DTNA: variants seen among roughly 807,000 people sequenced by gnomAD.
DTNA encodes the protein dystrophin-related protein 3.
In DTNA, 43 loss-of-function variants were observed where a neutral mutation model predicts 100.7. That is an observed-to-expected ratio of 0.43 (90% CI 0.33 to 0.55). The LOEUF (loss-of-function observed/expected upper bound fraction) is 0.55, where lower values mean the gene tolerates loss of function less well. Among genes scored for constraint, DTNA ranks in the 20% least tolerant of loss-of-function variants. The pLI is 0.04. For missense variants in DTNA, 798 were observed against 953.9 expected, an observed-to-expected ratio of 0.84 and a Z score of 2.15; for synonymous variants, 349 against 347.9, an observed-to-expected ratio of 1.00 and a Z score of -0.04.
At chr18:34,840,567 A>G (rs953276656) in intron 13 of DTNA, among the ~76,000 whole-genome samples, 3 of 152,162 alleles carry the variant, frequency 2.0e-5, no homozygotes, top group African/African-American at 7.2e-5. Flanking sequence ...CTCCAAAGAG[A>G]AAAGCTCAGA....
intron 11 of DTNA, among the ~76,000 whole-genome samples, chr18:34,834,705 C>T (rs2096097248): frequency 6.6e-6 from 1 of 151,960 alleles, no homozygotes; most frequent in Non-Finnish European, 1.5e-5. Context: ...AACAACCAGC[C>T]CTCAAGGGAA....
At chr18:34,542,763 A>G (rs1220089524) in intron 1 of DTNA, among the ~76,000 whole-genome samples, 2 of 152,114 alleles carry the variant, frequency 1.3e-5, no homozygotes, top group Non-Finnish European at 2.9e-5. Context: ...ATAATTTTTA[A>G]AAATAGAAAA....
chr18:34,776,576 C>G (rs1444296836), intron 3 of DTNA, among the ~76,000 whole-genome samples: 1 of 152,140 alleles, frequency 6.6e-6, no homozygotes, highest in African/African-American at 2.4e-5. Flanking sequence ...CTCCTGACCT[C>G]GTGATCTGCC....
intron 1 of DTNA, among the ~76,000 whole-genome samples, chr18:34,595,150 T>C (rs746622206): frequency 5.3e-5 from 8 of 152,256 alleles, no homozygotes; most frequent in Non-Finnish European, 1.0e-4. Flanking sequence ...GACATTGTAT[T>C]ACCAGTTGTG....
intron 1 of DTNA, among the ~76,000 whole-genome samples, chr18:34,724,326 TC>T (rs1336416540): frequency 5.3e-5 from 8 of 152,232 alleles, no homozygotes; most frequent in African/African-American, 1.9e-4. Context: ...TAAAGTCATT[TC>T]ATAGCTAAAA....
intron 1 of DTNA, among the ~76,000 whole-genome samples, chr18:34,723,164 C>A (rs1461502363): frequency 6.6e-6 from 1 of 150,468 alleles, no homozygotes; most frequent in South Asian, 2.1e-4. Context: ...TACTGCAACT[C>A]AAAAAAAAAT....
chr18:34,838,118 A>G lies in DTNA; in HGVS notation c.1200A>G (p.Val400=). 1 of 1,613,928 alleles carries G rather than the reference A, an allele frequency of 6.2e-7. No homozygotes were observed. The highest frequency in any genetic ancestry group is 8.5e-7 in the Non-Finnish European group (1 of 1,179,846). ...GCTCTCCTCCCAAGGACAGTGAAGT[A>G]GAGCAGAACAAACTGCTGGCTAGGG... ...GARSPPKDSE[V]EQNKLLARAA... Residue 400 remains valine, a synonymous_variant, in exon 12 of 23, where the codon GTA becomes GTG. Coordinates refer to ENST00000444659, the MANE Select transcript of DTNA (RefSeq NM_001386795.1).
At chr18:34,868,424 C>G in intron 17 of DTNA, 2 of 961,850 alleles carry the variant, frequency 2.1e-6, no homozygotes, top group Non-Finnish European at 2.5e-6. Flanking sequence ...AAATGCTGTC[C>G]AAATATAGAC....
chr18:34,750,913 A>G (rs2092257380), intron 1 of DTNA, among the ~76,000 whole-genome samples: 1 of 152,240 alleles, frequency 6.6e-6, no homozygotes, highest in Non-Finnish European at 1.5e-5. Context: ...ATGCCAAAAT[A>G]TAGTTCACAT....
chr18:34,622,525 G>A (rs1347994270), intron 1 of DTNA, among the ~76,000 whole-genome samples: 1 of 152,212 alleles, frequency 6.6e-6, no homozygotes, highest in Admixed American at 6.5e-5. Context: ...CTGTGAAGGT[G>A]TTTCCGGAGA....
intron 1 of DTNA, among the ~76,000 whole-genome samples, chr18:34,607,200 T>G (rs531123445): frequency 6.6e-6 from 1 of 152,240 alleles, no homozygotes; most frequent in Non-Finnish European, 1.5e-5. Context: ...ATACTGTTTG[T>G]GTCCTTAGAA....
chr18:34,618,502 A>G (rs746107629), intron 1 of DTNA, among the ~76,000 whole-genome samples: 1 of 152,190 alleles, frequency 6.6e-6, no homozygotes, highest in Non-Finnish European at 1.5e-5. Context: ...TAGATAGGTC[A>G]TAATTCTGTG....
At chr18:34,573,825 C>A (rs1309979132) in intron 1 of DTNA, among the ~76,000 whole-genome samples, 2 of 152,176 alleles carry the variant, frequency 1.3e-5, no homozygotes, top group African/African-American at 4.8e-5. Flanking sequence ...GCTAAAATTG[C>A]GTATCCTTTG....
chr18:34,736,434 G>A (rs1310443749), intron 1 of DTNA, among the ~76,000 whole-genome samples: 2 of 152,084 alleles, frequency 1.3e-5, no homozygotes, highest in Non-Finnish European at 2.9e-5. Flanking sequence ...CACCAAAGGA[G>A]GAATTTCATT....
chr18:34,850,827 A>G (rs2096465110), intron 14 of DTNA, among the ~76,000 whole-genome samples: 2 of 151,820 alleles, frequency 1.3e-5, no homozygotes, highest in African/African-American at 4.8e-5. Context: ...ACACAAACAG[A>G]TATATATATA....
intron 4 of DTNA, among the ~76,000 whole-genome samples, chr18:34,803,157 CCTT>C (rs2095269445): frequency 6.6e-6 from 1 of 152,288 alleles, no homozygotes; most frequent in South Asian, 2.1e-4. Flanking sequence ...CCCCCAGAAT[CCTT>C]CTTCATGACA....
chr18:34,619,684 A>G (rs1281035477), intron 1 of DTNA, among the ~76,000 whole-genome samples: 2 of 152,174 alleles, frequency 1.3e-5, no homozygotes, highest in African/African-American at 4.8e-5. Context: ...TATGGAAAGG[A>G]TGAACACAAT....
intron 1 of DTNA, among the ~76,000 whole-genome samples, chr18:34,525,450 G>C (rs2042527398): frequency 6.6e-6 from 1 of 151,960 alleles, no homozygotes; most frequent in Non-Finnish European, 1.5e-5. Context: ...AGCTCCTTCT[G>C]TCTGAGCCCC....
rs141246235 is a variant in DTNA at position 34,537,826 on chromosome 18, T to C, written c.-2+44312T>C. ...ATAGGAAGGAGGAGACAGAGGTAGA[T>C]TAGACTTTGATGAAATGTTATACAC... On this transcript the variant is annotated intron_variant, in intron 1 of 19. Transcript: ENST00000283365. Among the ~76,000 whole-genome samples, 1,234 of 152,038 alleles carry C rather than the reference T, an allele frequency of 8.1e-3. 14 individuals carry two copies. Among genetic ancestry groups the C allele is most frequent in the African/African-American group, 0.028 (1,182 of 41,502 alleles).
Sources: gnomAD v4.1 joint callset for allele counts (sites outside exome capture counted in the v4.1 genomes callset) on GRCh38, gnomAD v4.1.1 for gene constraint, MANE v1.5 for transcripts, NCBI Gene and HGNC (gene_info 2026-07-23, HGNC 2026-07-21) for gene names.